VRK1: variants seen among roughly 807,000 people sequenced by gnomAD.
VRK1 encodes VRK serine/threonine kinase 1, also known as serine/threonine-protein kinase VRK1.
A neutral mutation model predicts 57.1 loss-of-function variants in VRK1; 33 were observed. The ratio of observed to expected loss-of-function variants is 0.58; its 90% CI spans 0.44 to 0.77. The LOEUF is 0.77. Ranked by LOEUF, VRK1 falls within the 30% of genes least tolerant of loss-of-function variation. The pLI is 0.00. For synonymous variants in VRK1, 137 were observed against 147.8 expected (o/e 0.93, Z 0.53); for missense variants, 413 against 477.3 (o/e 0.87, Z 1.25).
chr14:96,827,877 G>A (rs1438843630), intron 1 of VRK1, among the ~76,000 whole-genome samples: 2 of 152,058 alleles, frequency 1.3e-5, no homozygotes, highest in Non-Finnish European at 2.9e-5. Flanking sequence ...GAAATAATAA[G>A]TATACTTCTT....
Position 96,860,621 on chromosome 14 carries a change from A to T in VRK1, c.954A>T (p.Glu318Asp). ...ACTACACTGAAAAACCTCTTTATGAAAATTTACGTGACATTCTTTTGCAAG... is the reference window on the plus strand; with the variant it reads ...ACTACACTGAAAAACCTCTTTATGATAATTTACGTGACATTCTTTTGCAAG... The part of the protein sequence containing the change: ...LLDYTEKPLY[E>D]NLRDILLQGL... The change falls in exon 11 of 13, where the codon GAA (glutamate) becomes GAT (aspartate). Residue 318 changes from glutamate to aspartate, a missense_variant. Glu to Asp is a conservative substitution (Grantham distance 45). This residue lies in a region of VRK1 where 146 missense variants were observed against 138.2 expected (regional missense o/e 1.06). Coordinates refer to ENST00000216639, the MANE Select transcript of VRK1 (RefSeq NM_003384.3). The T allele has an allele frequency of 6.2e-7, 1 of 1,613,260 alleles. No homozygotes were observed. Among genetic ancestry groups the T allele is most frequent in the Admixed American group, 1.7e-5 (1 of 59,992 alleles).
intron 1 of VRK1, among the ~76,000 whole-genome samples, chr14:96,816,947 T>A (rs1363605712): frequency 6.6e-6 from 1 of 152,194 alleles, no homozygotes; most frequent in Admixed American, 6.5e-5. Context: ...TACTGTTAAT[T>A]TTGTTAGGTG....
chr14:96,837,020 A>G (rs957047048), intron 2 of VRK1, among the ~76,000 whole-genome samples: 10 of 152,204 alleles, frequency 6.6e-5, no homozygotes, highest in African/African-American at 2.4e-4. Context: ...ACACTGTCAA[A>G]TGTACTTCAT....
intron 1 of VRK1, among the ~76,000 whole-genome samples, chr14:96,809,548 A>AGCTTGCTTGCTT (rs58196233): frequency 7.4e-6 from 1 of 135,432 alleles, no homozygotes; most frequent in Non-Finnish European, 1.5e-5. Flanking sequence ...ATATGCATCT[A>AGCTTGCTTGCTT]GCTTGCTTGC....
At position 96,838,518 on chromosome 14, in the gene VRK1, A is replaced by G. The variant is rs548046200; in HGVS notation, c.216+701A>G. Reference sequence around the variant, plus strand: ...TATGTTTTGGTTAAATAGAAGAACCAACAGGATGTATTATCTGGGCAAATT... The same window carrying G: ...TATGTTTTGGTTAAATAGAAGAACCGACAGGATGTATTATCTGGGCAAATT... On this transcript the variant is annotated intron_variant, in intron 3 of 12. Transcript: ENST00000216639. 1.4e-4 allele frequency among the ~76,000 whole-genome samples: 21 copies of G among 152,088 alleles called. No individual in the cohort carries two copies. The East Asian group carries it at 3.7e-3, about 27-fold the overall frequency.
chr14:96,801,826 G>A (rs988007921), intron 1 of VRK1, among the ~76,000 whole-genome samples: 11 of 152,162 alleles, frequency 7.2e-5, no homozygotes, highest in African/African-American at 2.4e-4. Flanking sequence ...CCATCTTAAA[G>A]GTCTTCATCC....
chr14:96,852,609 C>T (rs908399634), intron 5 of VRK1, among the ~76,000 whole-genome samples: 2 of 152,120 alleles, frequency 1.3e-5, no homozygotes, highest in East Asian at 3.9e-4. Context: ...AAACTAGCTG[C>T]GACCAGGAAG....
At chr14:96,871,477 A>C (rs1270589240) in intron 11 of VRK1, among the ~76,000 whole-genome samples, 3 of 152,244 alleles carry the variant, frequency 2.0e-5, no homozygotes, top group African/African-American at 7.2e-5. Context: ...CTTATGTAAG[A>C]ACACTCATTT....
chr14:96,823,334 G>A (rs1349106599), intron 1 of VRK1, among the ~76,000 whole-genome samples: 1 of 152,168 alleles, frequency 6.6e-6, no homozygotes, highest in Non-Finnish European at 1.5e-5. Flanking sequence ...GATTATCAGT[G>A]ACTATTTGTA....
intron 1 of VRK1, among the ~76,000 whole-genome samples, chr14:96,818,360 A>G (rs2139712192): frequency 6.6e-6 from 1 of 152,330 alleles, no homozygotes; most frequent in African/African-American, 2.4e-5. Flanking sequence ...CACTTTTCTA[A>G]TACAAGTAAA....
chr14:96,873,549 A>C (rs1346639723), intron 11 of VRK1, among the ~76,000 whole-genome samples: 1 of 152,184 alleles, frequency 6.6e-6, no homozygotes, highest in Non-Finnish European at 1.5e-5. Context: ...ACGCAAAGGC[A>C]CCTGTGAGAC....
chr14:96,840,035 G>C (rs1334029413), intron 3 of VRK1, among the ~76,000 whole-genome samples: 1 of 152,156 alleles, frequency 6.6e-6, no homozygotes, highest in South Asian at 2.1e-4. Flanking sequence ...GTCGTTGTTC[G>C]TGAAGGATAT....
chr14:96,798,629 A>G (rs1885537399), intron 1 of VRK1, among the ~76,000 whole-genome samples: 1 of 152,038 alleles, frequency 6.6e-6, no homozygotes, highest in Non-Finnish European at 1.5e-5. Context: ...ATTCAAGAGT[A>G]AAAAAAAGTA....
At chr14:96,853,463 A>T (rs1888029956) in intron 7 of VRK1, among the ~76,000 whole-genome samples, 1 of 152,096 alleles carries the variant, frequency 6.6e-6, no homozygotes, top group African/African-American at 2.4e-5. Flanking sequence ...TACACCAATG[A>T]ATTATGTTTG....
At chr14:96,799,397 G>A (rs1271886362) in intron 1 of VRK1, among the ~76,000 whole-genome samples, 2 of 151,224 alleles carry the variant, frequency 1.3e-5, no homozygotes, top group East Asian at 3.9e-4. Context: ...CAGATGTCTA[G>A]AAATGAAAAA....
chr14:96,867,513 T>C (rs1053015470), intron 11 of VRK1, among the ~76,000 whole-genome samples: 1 of 151,730 alleles, frequency 6.6e-6, no homozygotes, highest in Admixed American at 6.6e-5. Flanking sequence ...TTTTACACTT[T>C]AATTAGTTAT....
At chr14:96,872,505 A>C (rs1888861853) in intron 11 of VRK1, among the ~76,000 whole-genome samples, 1 of 152,260 alleles carries the variant, frequency 6.6e-6, no homozygotes, top group South Asian at 2.1e-4. Context: ...TGTGTGTACT[A>C]TAATATAACT....
Position 96,876,072 on chromosome 14 carries a change from G to A in VRK1, c.1111G>A (p.Glu371Lys). Residue 371 changes from glutamate (E) to lysine (K), a missense_variant, in exon 12 of 13, where the codon GAA becomes AAA. Physicochemically the swap from Glu to Lys is moderately conservative, Grantham distance 56. Around this residue, in one of 3 missense-constraint regions of VRK1, gnomAD observed 146 missense variants for 138.2 expected, o/e 1.06. Coordinates refer to ENST00000216639, the MANE Select transcript of VRK1 (RefSeq NM_003384.3). ...TGAAGAAAGCAAGGAACCTGGTGTT[G>A]AAGATACGGAATGGTCAAACACACA... ...EIEESKEPGV[E>K]DTEWSNTQTE... 6.2e-7 allele frequency: 1 copy of A among 1,613,660 alleles called. No homozygotes were observed. Among genetic ancestry groups the A allele is most frequent in the Non-Finnish European group, 8.5e-7 (1 of 1,179,708 alleles).
rs201819730 is a variant in VRK1 at position 96,833,670 on chromosome 14, T to C, written c.160+39T>C. ...TGCTTCTAATGATCAATCCAAAGATTTATATGTTTTCTTATGAAAATGGTT... is the reference window on the plus strand; with the variant it reads ...TGCTTCTAATGATCAATCCAAAGATCTATATGTTTTCTTATGAAAATGGTT... On this transcript the variant is annotated intron_variant, in intron 2 of 12. Coordinates refer to ENST00000216639, the MANE Select transcript of VRK1 (RefSeq NM_003384.3). The C allele has an allele frequency of 4.5e-5, 73 of 1,612,570 alleles. No individual in the cohort carries two copies. In the Middle Eastern group the frequency reaches 1.2e-3, roughly 26 times the overall value.
Sources: allele counts gnomAD v4.1 joint callset (sites outside exome capture counted in the v4.1 genomes callset), GRCh38; gene constraint gnomAD v4.1.1; regional missense constraint gnomAD v4.1.1; transcripts MANE v1.5; gene names NCBI Gene and HGNC (gene_info 2026-07-23, HGNC 2026-07-21).